Variants in PARD3B observed in about 807,000 individuals in gnomAD.
PARD3B encodes the protein par-3 family cell polarity regulator beta.
PARD3B carries 103 observed loss-of-function variants against 130.2 expected under a neutral mutation model. The observed-to-expected ratio is 0.79, with a 90% CI of 0.67 to 0.93. The LOEUF (loss-of-function observed/expected upper bound fraction) is 0.93, where lower values mean the gene tolerates loss of function less well. Among genes scored for constraint, PARD3B ranks in the 40% least tolerant of loss-of-function variants. The pLI, the probability that PARD3B is intolerant of heterozygous loss-of-function variation, is 0.00. For synonymous variants in PARD3B, 583 were observed against 553.2 expected (o/e 1.05, Z -0.76); for missense variants, 1,609 against 1,499.2 (o/e 1.07, Z -1.21).
In PARD3B at chr2:205,281,563, CT is replaced by C. The variant is rs1046784856; in HGVS notation, c.2186-18960del. 6.6e-6 allele frequency among the ~76,000 whole-genome samples: 1 copy of C among 152,172 alleles called. No individual in the cohort carries two copies. The highest frequency in any genetic ancestry group is 1.9e-4 in the East Asian group (1 of 5,194). On this transcript the variant is annotated intron_variant, in intron 16 of 22. Transcript: ENST00000406610. This position sits in a 1 kb window ranked among gnomAD's most constrained non-coding sequence, Gnocchi z 4.2. ...CAATTGTAACAAACCAGGAAATCCACTTTTTTTCCTAAGTTGGGAAAATACA... is the reference window on the plus strand; with the variant it reads ...CAATTGTAACAAACCAGGAAATCCACTTTTTTCCTAAGTTGGGAAAATACA...
intron 4 of PARD3B, among the ~76,000 whole-genome samples, chr2:205,053,805 G>A (rs1449916650): frequency 1.3e-5 from 2 of 151,750 alleles, no homozygotes; most frequent in African/African-American, 4.8e-5. Flanking sequence ...TTTCCAAAGA[G>A]GAGAGATGGA....
rs79239449 is a variant in PARD3B, at chr2:204,689,826, T to G, written c.222+3544T>G. ...ATTTAAATTTCTGTAATCTTATTTC[T>G]TTTCTTCTCTGATGTGTCAAGCAGT... On this transcript the variant is annotated intron_variant, in intron 2 of 22. Coordinates refer to ENST00000406610, the MANE Select transcript of PARD3B (RefSeq NM_001302769.2). The surrounding 1 kb of genome is among the most constrained non-coding windows in gnomAD (Gnocchi z 5.2). 0.037 allele frequency among the ~76,000 whole-genome samples: 5,651 copies of G among 152,236 alleles called. 161 individuals are homozygous for G. Among genetic ancestry groups the G allele is most frequent in the Middle Eastern group, 0.068 (20 of 294 alleles).
At chr2:205,486,100 A>T (rs561347936) in intron 20 of PARD3B, among the ~76,000 whole-genome samples, 2 of 152,322 alleles carry the variant, frequency 1.3e-5, no homozygotes, top group East Asian at 1.9e-4. Context: ...TACACATCAG[A>T]AATTTTTCAG....
At chr2:204,840,544 T>A (rs969763622) in intron 2 of PARD3B, among the ~76,000 whole-genome samples, 3 of 151,970 alleles carry the variant, frequency 2.0e-5, no homozygotes, top group Non-Finnish European at 2.9e-5. Context: ...TTTTTTTTTT[T>A]AACTATGGTC....
intron 2 of PARD3B, among the ~76,000 whole-genome samples, chr2:204,903,271 T>G (rs913597983): frequency 6.6e-6 from 1 of 152,180 alleles, no homozygotes; most frequent in Admixed American, 6.5e-5. Context: ...TTGAATAAAA[T>G]AGAACTTTCT....
At chr2:204,602,207 GC>G in intron 1 of PARD3B, among the ~76,000 whole-genome samples, 1 of 151,966 alleles carries the variant, frequency 6.6e-6, no homozygotes, top group Non-Finnish European at 1.5e-5. Flanking sequence ...ATGACATATT[GC>G]TTGTGCAAAC....
chr2:204,609,546 G>A (rs747795402), intron 1 of PARD3B, among the ~76,000 whole-genome samples: 7 of 152,130 alleles, frequency 4.6e-5, no homozygotes, highest in South Asian at 2.1e-4. Context: ...TGAAGTAGTC[G>A]GGAGTGGGGG....
At chr2:205,026,879 G>A (rs1697073830) in intron 3 of PARD3B, among the ~76,000 whole-genome samples, 1 of 152,078 alleles carries the variant, frequency 6.6e-6, no homozygotes, top group Non-Finnish European at 1.5e-5. Context: ...ATGGCTGAAC[G>A]ATATTCTCTT....
chr2:204,909,791 C>T (rs776808466), intron 2 of PARD3B, among the ~76,000 whole-genome samples: 22 of 152,114 alleles, frequency 1.4e-4, no homozygotes, highest in Admixed American at 4.6e-4. Flanking sequence ...CTTTTGAAAT[C>T]ATCATTTTTG....
chr2:204,907,204 T>A lies in PARD3B; in HGVS notation c.223-57948T>A, dbSNP rs2047068642. 6.6e-6 allele frequency among the ~76,000 whole-genome samples: 1 copy of A among 152,102 alleles called. No homozygotes were observed. The highest frequency in any genetic ancestry group is 1.5e-5 in the Non-Finnish European group (1 of 68,022). On this transcript the variant is annotated intron_variant, in intron 2 of 22. Transcript: ENST00000406610. The surrounding 1 kb of genome is among the most constrained non-coding windows in gnomAD (Gnocchi z 5.7). Reference sequence around the variant, plus strand: ...ACCGTGTTATCCAGGATGGTCTTGATCTTCTGACCTTGTTATCCACCCACC... The same window carrying A: ...ACCGTGTTATCCAGGATGGTCTTGAACTTCTGACCTTGTTATCCACCCACC...
intron 8 of PARD3B, among the ~76,000 whole-genome samples, chr2:205,123,837 T>C (rs2031058882): frequency 6.7e-6 from 1 of 150,204 alleles, no homozygotes; most frequent in African/African-American, 2.5e-5. Flanking sequence ...AAGGGAGAAA[T>C]TGGAGATGCA....
At chr2:204,894,222 T>G (rs1006906923) in intron 2 of PARD3B, among the ~76,000 whole-genome samples, 2 of 152,172 alleles carry the variant, frequency 1.3e-5, no homozygotes, top group Non-Finnish European at 2.9e-5. Flanking sequence ...ATGGTGTCCT[T>G]TGCAAAGAAT....
chr2:205,587,724 A>G (rs1028101776), intron 22 of PARD3B, among the ~76,000 whole-genome samples: 4 of 152,074 alleles, frequency 2.6e-5, no homozygotes, highest in African/African-American at 9.7e-5. Flanking sequence ...CACGAACTCT[A>G]CCCCTGACAA....
rs1480391135 is a variant in PARD3B at position 205,541,152 on chromosome 2, G to A, written c.3181-12172G>A. Among the ~76,000 whole-genome samples, 8 of 152,060 alleles carry A rather than the reference G, an allele frequency of 5.3e-5. 1 individual carries two copies. The highest frequency in any genetic ancestry group is 5.2e-4 in the Admixed American group (8 of 15,260). On this transcript the variant is annotated intron_variant, in intron 21 of 22. Coordinates refer to ENST00000406610, the MANE Select transcript of PARD3B (RefSeq NM_001302769.2). ...GATTGATCCATGAATTTGATTAATG[G>A]AAAGAAATTTAGGACAGGAATTACC...
chr2:205,094,050 C>T (rs1234020685), intron 4 of PARD3B, among the ~76,000 whole-genome samples: 1 of 152,166 alleles, frequency 6.6e-6, no homozygotes, highest in Non-Finnish European at 1.5e-5. Context: ...TACTTCTCTC[C>T]ATACAGTTGT....
intron 20 of PARD3B, among the ~76,000 whole-genome samples, chr2:205,468,792 G>T (rs1446840657): frequency 6.6e-6 from 1 of 152,118 alleles, no homozygotes; most frequent in African/African-American, 2.4e-5. Context: ...ATCTGGACAA[G>T]GCCTCAAGCT....
At chr2:204,900,590 T>C (rs181498137) in intron 2 of PARD3B, among the ~76,000 whole-genome samples, 5 of 152,248 alleles carry the variant, frequency 3.3e-5, no homozygotes, top group African/African-American at 1.2e-4. Context: ...AGGTCATAAA[T>C]CTTTTAAAAG....
chr2:204,965,180 C>G lies in PARD3B; in HGVS notation c.251C>G (p.Pro84Arg), dbSNP rs547092370. Residue 84 changes from proline to arginine, a missense_variant, in exon 3 of 23, where the codon CCA becomes CGA. Physicochemically the swap from Pro to Arg is moderately radical, Grantham distance 103. Transcript: ENST00000406610. ...ATTGCTGTGTTTGAAGAACAAGAAC[C>G]ACTCCACAAGATTGAGAGCCCCAGT... Reference protein sequence around the residue: ...KLIAVFEEQEPLHKIESPSGN... With the variant: ...KLIAVFEEQERLHKIESPSGN... 3.7e-6 allele frequency: 6 copies of G among 1,613,594 alleles called. No homozygotes were observed. The highest frequency in any genetic ancestry group is 4.5e-5 in the East Asian group (2 of 44,856).
intron 1 of PARD3B, among the ~76,000 whole-genome samples, chr2:204,625,987 C>A (rs1574572956): frequency 6.6e-6 from 1 of 152,034 alleles, no homozygotes; most frequent in Non-Finnish European, 1.5e-5. Context: ...GTAGGAAATC[C>A]TAGTTTTCTG....
Sources: allele counts gnomAD v4.1 joint callset (sites outside exome capture counted in the v4.1 genomes callset), GRCh38; gene constraint gnomAD v4.1.1; non-coding constraint Gnocchi (gnomAD v3.1); transcripts MANE v1.5; gene names NCBI Gene and HGNC (gene_info 2026-07-23, HGNC 2026-07-21).